The following BICC1 variants were observed in gnomAD, a reference collection of about 807,000 sequenced individuals.
The protein encoded by BICC1 is protein bicaudal C homolog 1.
In BICC1, 43 loss-of-function variants were observed where a neutral mutation model predicts 111.0. That is an observed-to-expected ratio of 0.39 (90% CI 0.30 to 0.50). The LOEUF is 0.50. BICC1 is among the 20% of genes least tolerant of loss of function. The probability of loss-of-function intolerance (pLI) is 0.88; values close to 1 mark genes in which losing one functional copy is unlikely to be tolerated. For synonymous variants in BICC1, 467 were observed against 434.4 expected, an observed-to-expected ratio of 1.07 and a Z score of -0.93; for missense variants, 1,091 against 1,203.2, an observed-to-expected ratio of 0.91 and a Z score of 1.38.
chr10:58,567,024 C>T (rs1843788105), intron 1 of BICC1, among the ~76,000 whole-genome samples: 1 of 152,092 alleles, frequency 6.6e-6, no homozygotes, highest in South Asian at 2.1e-4. Flanking sequence ...AACCTGAAAA[C>T]TGATTGTACT....
At chr10:58,526,213 A>G in intron 1 of BICC1, among the ~76,000 whole-genome samples, 1 of 151,834 alleles carries the variant, frequency 6.6e-6, no homozygotes, top group Non-Finnish European at 1.5e-5. Context: ...GAAAAAAAAA[A>G]GCTGTAAACA....
At chr10:58,685,173 A>C (rs1362033247) in intron 2 of BICC1, among the ~76,000 whole-genome samples, 1 of 152,014 alleles carries the variant, frequency 6.6e-6, no homozygotes, top group Non-Finnish European at 1.5e-5. Context: ...TATGTAGTTG[A>C]GGGGTTTTGA....
intron 2 of BICC1, among the ~76,000 whole-genome samples, chr10:58,697,751 C>T (rs1840105856): frequency 6.6e-6 from 1 of 152,166 alleles, no homozygotes; most frequent in African/African-American, 2.4e-5. Flanking sequence ...TGTCGGCCCC[C>T]AGATCCAGTA....
intron 5 of BICC1, among the ~76,000 whole-genome samples, chr10:58,787,585 G>A (rs1309645290): frequency 1.3e-5 from 2 of 152,144 alleles, no homozygotes; most frequent in Admixed American, 1.3e-4. Flanking sequence ...CTGTCCTCAT[G>A]CAAGCGGTTT....
chr10:58,712,149 A>G (rs867995110), intron 3 of BICC1, among the ~76,000 whole-genome samples: 2 of 152,198 alleles, frequency 1.3e-5, no homozygotes, highest in Admixed American at 1.3e-4. Flanking sequence ...AACCGTTAAG[A>G]TATCACTACC....
chr10:58,699,337 G>A (rs1267335476), intron 2 of BICC1, among the ~76,000 whole-genome samples: 66 of 152,326 alleles, frequency 4.3e-4, no homozygotes, highest in Admixed American at 4.2e-3. Flanking sequence ...TGGCTTAGAG[G>A]GAGTGTGTAT....
chr10:58,822,304 A>G (rs184266508), intron 20 of BICC1, among the ~76,000 whole-genome samples: 35 of 152,160 alleles, frequency 2.3e-4, no homozygotes, highest in Admixed American at 2.2e-3. Context: ...GTCCCAACCC[A>G]ATTCTGAATT....
rs138735167 is a variant in BICC1 at position 58,829,247 on chromosome 10, A to G, written c.*356A>G. The G allele has an allele frequency of 2.1e-3, 263 of 124,670 alleles. 3 individuals carry two copies. Among genetic ancestry groups the G allele is most frequent in the African/African-American group, 7.9e-3 (242 of 30,504 alleles). The allele number at this position is 124,670 out of a possible 1,614,324, so 7.7% of individuals were successfully genotyped here. On this transcript the variant is annotated 3_prime_UTR_variant, in exon 21 of 21. Coordinates refer to ENST00000373886, the MANE Select transcript of BICC1 (RefSeq NM_001080512.3). The stretch of plus-strand genomic sequence containing the variant: ...TACTTAAAATGAAGGATGAATTGAC[A>G]TCTGGGATGCCAGAAGACTTAGAAG...
intron 1 of BICC1, among the ~76,000 whole-genome samples, chr10:58,516,140 A>G (rs1359679110): frequency 6.6e-6 from 1 of 152,116 alleles, no homozygotes; most frequent in African/African-American, 2.4e-5. Flanking sequence ...TGGGTGTGCT[A>G]TTTTTCTATT....
intron 2 of BICC1, among the ~76,000 whole-genome samples, chr10:58,670,234 C>T (rs1040197447): frequency 3.3e-5 from 5 of 152,146 alleles, no homozygotes; most frequent in Non-Finnish European, 7.4e-5. Flanking sequence ...AATATCCCTA[C>T]ACTTCACCTC....
intron 1 of BICC1, among the ~76,000 whole-genome samples, chr10:58,565,568 C>G (rs1843729757): frequency 6.6e-6 from 1 of 152,142 alleles, no homozygotes; most frequent in Non-Finnish European, 1.5e-5. Context: ...CCGATGTATG[C>G]CCTGGGCGGA....
At chr10:58,614,349 A>G (rs1331457349) in intron 1 of BICC1, among the ~76,000 whole-genome samples, 1 of 152,208 alleles carries the variant, frequency 6.6e-6, no homozygotes, top group Non-Finnish European at 1.5e-5. Flanking sequence ...GATCTAACCA[A>G]CAACTCATCA....
Position 58,788,350 on chromosome 10 carries a change from G to T in BICC1, c.547-20G>T. On this transcript the variant is annotated intron_variant, in intron 5 of 20. Transcript: ENST00000373886. ...GTTTGATTAAAATAAATCTAACTTT[G>T]TATTTTCCTCCTCTTATAGGTATCT... is the stretch of plus-strand genomic sequence containing the variant. The T allele has an allele frequency of 6.3e-7, 1 of 1,578,104 alleles. No individual in the cohort carries two copies. Among genetic ancestry groups the T allele is most frequent in the South Asian group, 1.1e-5 (1 of 89,192 alleles).
intron 3 of BICC1, among the ~76,000 whole-genome samples, chr10:58,721,788 A>G (rs1682170765): frequency 6.6e-6 from 1 of 152,136 alleles, no homozygotes; most frequent in Non-Finnish European, 1.5e-5. Context: ...TTCACCTGGA[A>G]GTCATCCAGG....
intron 17 of BICC1, among the ~76,000 whole-genome samples, chr10:58,807,690 TG>T (rs1299149045): frequency 6.6e-6 from 1 of 152,304 alleles, no homozygotes; most frequent in East Asian, 1.9e-4. Context: ...AGGGTGAGAC[TG>T]GGAAGCTGGC....
intron 3 of BICC1, among the ~76,000 whole-genome samples, chr10:58,734,645 T>G (rs987263613): frequency 1.3e-5 from 2 of 152,202 alleles, no homozygotes; most frequent in African/African-American, 4.8e-5. Flanking sequence ...GGTAATCTTG[T>G]ATTAGCTGAA....
chr10:58,725,982 G>A (rs955413544), intron 3 of BICC1, among the ~76,000 whole-genome samples: 2 of 152,168 alleles, frequency 1.3e-5, no homozygotes, highest in Non-Finnish European at 2.9e-5. Flanking sequence ...CTTTAATGTT[G>A]ATTGTTAAGG....
chr10:58,625,955 A>G (rs1416994767), intron 2 of BICC1, among the ~76,000 whole-genome samples: 1 of 152,210 alleles, frequency 6.6e-6, no homozygotes, highest in African/African-American at 2.4e-5. Flanking sequence ...TTAAAAGTGA[A>G]TTCAGTTAAC....
chr10:58,634,575 G>C (rs543703033), intron 2 of BICC1, among the ~76,000 whole-genome samples: 1 of 152,176 alleles, frequency 6.6e-6, no homozygotes, highest in African/African-American at 2.4e-5. Flanking sequence ...CTGATGTGCA[G>C]TATGGGTAGG....
Sources: gnomAD v4.1 joint callset for allele counts (sites outside exome capture counted in the v4.1 genomes callset) on GRCh38, gnomAD v4.1.1 for gene constraint, MANE v1.5 for transcripts, NCBI Gene and HGNC (gene_info 2026-07-23, HGNC 2026-07-21) for gene names.